RIPOR2: variants seen among roughly 807,000 people sequenced by gnomAD.
The protein encoded by RIPOR2 is RHO family interacting cell polarization regulator 2.
In RIPOR2, 39 loss-of-function variants were observed where a neutral mutation model predicts 114.5. The ratio of observed to expected loss-of-function variants is 0.34; its 90% confidence interval spans 0.26 to 0.44. The LOEUF (loss-of-function observed/expected upper bound fraction) is 0.44, where lower values mean the gene tolerates loss of function less well. RIPOR2 is among the 20% of genes least tolerant of loss of function. The pLI is 1.00. For synonymous variants in RIPOR2, 445 were observed against 484.4 expected (o/e 0.92, Z 1.07); for missense variants, 1,007 against 1,255.1 (o/e 0.80, Z 2.99).
chr6:24,937,661 C>T (rs1771891801), upstream of RIPOR2, among the ~76,000 whole-genome samples: 1 of 152,182 alleles, frequency 6.6e-6, no homozygotes, highest in African/African-American at 2.4e-5. Context: ...ATAATCACTA[C>T]ATTTCTCAAC....
At chr6:24,991,090 C>A (rs1266326760) in intron 1 of RIPOR2, among the ~76,000 whole-genome samples, 1 of 152,134 alleles carries the variant, frequency 6.6e-6, no homozygotes, top group Non-Finnish European at 1.5e-5. Context: ...GCATACATGG[C>A]CCTGTTCCTG....
At chr6:25,027,347 G>C (rs186259511) in intron 1 of RIPOR2, among the ~76,000 whole-genome samples, 145 of 152,256 alleles carry the variant, frequency 9.5e-4, no homozygotes, top group Admixed American at 2.6e-3. Flanking sequence ...GGGTTCCCAG[G>C]GGGAGGCGCT....
chr6:24,998,318 G>A (rs913884317), intron 1 of RIPOR2, among the ~76,000 whole-genome samples: 2 of 152,144 alleles, frequency 1.3e-5, no homozygotes, highest in African/African-American at 4.8e-5. Context: ...TTTTTGAAAA[G>A]TTGTGAATAA....
chr6:24,830,754 T>C, intron 16 of RIPOR2, 84 bp from the exon 17 acceptor site: 9 of 1,394,206 alleles, frequency 6.5e-6, no homozygotes, highest in South Asian at 1.5e-5. Context: ...CTTGCTTTGT[T>C]ACCCAGGCTG....
intron 1 of RIPOR2, among the ~76,000 whole-genome samples, chr6:24,978,276 C>T (rs9393603): frequency 0.17 from 25,388 of 152,022 alleles, 2,891 homozygotes; most frequent in East Asian, 0.54. Context: ...CCCTTCACTT[C>T]ACTGAGCCTG....
chr6:24,831,026 A>T (rs1473137246), intron 16 of RIPOR2, among the ~76,000 whole-genome samples: 1 of 152,080 alleles, frequency 6.6e-6, no homozygotes. Context: ...ATAACATTTT[A>T]AATGAAGCAG....
chr6:24,858,905 C>T lies in RIPOR2; in HGVS notation c.715+2068G>A, dbSNP rs759350880. Among the ~76,000 whole-genome samples, 24 of 152,232 alleles carry T rather than the reference C, an allele frequency of 1.6e-4. No homozygotes were observed. The South Asian group carries it at 1.9e-3, about 12-fold the overall frequency. On this transcript the variant is annotated intron_variant, in intron 8 of 21. Transcript: ENST00000643898. This position sits in a 1 kb window ranked among gnomAD's most constrained non-coding sequence, Gnocchi z 4.0. ...CAAGCCTGAAGCTCCAGATCTGGTC[C>T]GAGGGTGGTCCCTTTCCTCCCCATC...
chr6:24,839,116 A>C lies in RIPOR2; in HGVS notation c.2014T>G (p.Ser672Ala), dbSNP rs1291926228. 1.3e-6 allele frequency: 2 copies of C among 1,551,594 alleles called. No individual in the cohort carries two copies. Among genetic ancestry groups the C allele is most frequent in the Admixed American group, 3.9e-5 (2 of 51,000 alleles). ...NVGGGADSVFSDTETEKHSYR... is the reference protein window; with the variant it reads ...NVGGGADSVFADTETEKHSYR... ...CTGTGTTTCTCAGTCTCAGTGTCTGAAAATACTGAGTCAGCACCTCCGCCA... is the reference window on the plus strand; with the variant it reads ...CTGTGTTTCTCAGTCTCAGTGTCTGCAAATACTGAGTCAGCACCTCCGCCA... The change falls in exon 14 of 22, where the codon TCA (serine) becomes GCA (alanine). Residue 672 changes from serine (S) to alanine (A), a missense_variant. By Grantham distance (99) the Ser-to-Ala change is moderately conservative (BLOSUM62 1). Coordinates refer to ENST00000643898, the MANE Select transcript of RIPOR2 (RefSeq NM_001286445.3).
chr6:25,039,254 T>TC (rs1275966469), intron 1 of RIPOR2, among the ~76,000 whole-genome samples: 2 of 152,216 alleles, frequency 1.3e-5, no homozygotes, highest in Non-Finnish European at 2.9e-5. Flanking sequence ...TAAGCGTCCT[T>TC]CCCTCGCAGG....
At chr6:24,983,691 A>T (rs1359832781) in intron 1 of RIPOR2, among the ~76,000 whole-genome samples, 1 of 131,340 alleles carries the variant, frequency 7.6e-6, no homozygotes, top group Non-Finnish European at 1.6e-5. Context: ...CGGGAGGCAG[A>T]GGTTGCAGTG....
intron 5 of RIPOR2, among the ~76,000 whole-genome samples, chr6:24,869,946 A>G (rs1764995238): frequency 1.3e-5 from 2 of 152,174 alleles, no homozygotes; most frequent in South Asian, 4.1e-4. Flanking sequence ...TTATTATTAT[A>G]TGCATTTATT....
chr6:24,865,331 C>T lies in RIPOR2; in HGVS notation c.621G>A (p.Glu207=). 2 of 1,612,988 alleles carry T rather than the reference C, an allele frequency of 1.2e-6. No homozygotes were observed. The highest frequency in any genetic ancestry group is 1.7e-6 in the Non-Finnish European group (2 of 1,179,388). ...ASKAARESLT[E]INRSFKEYTE... is the part of the protein sequence containing the mutation. ...TGTACTCCTTGAAGCTCCGATTGAT[C>T]TCTGTCAGACTCTCCCGGGCAGCTT... The change falls in exon 7 of 22, where the codon GAG becomes GAA. Residue 207 remains glutamate, a synonymous_variant. Coordinates refer to ENST00000643898, the MANE Select transcript of RIPOR2 (RefSeq NM_001286445.3).
intron 1 of RIPOR2, among the ~76,000 whole-genome samples, chr6:24,922,858 CAAAAAAAA>C (rs869160864): frequency 2.4e-3 from 187 of 78,656 alleles, no homozygotes; most frequent in East Asian, 6.0e-3. Flanking sequence ...AGGACAGTCT[CAAAAAAAA>C]AAAAAAAAAA....
intron 16 of RIPOR2, 80 bp downstream of exon 16, chr6:24,832,176 C>A: frequency 7.6e-7 from 1 of 1,322,146 alleles, no homozygotes; most frequent in Non-Finnish European, 1.0e-6. Flanking sequence ...TCCAACAAAG[C>A]AATGAACATG....
intron 1 of RIPOR2, among the ~76,000 whole-genome samples, chr6:25,031,556 G>GATATAT (rs3056856): frequency 1.1e-3 from 157 of 143,050 alleles, no homozygotes; most frequent in African/African-American, 3.5e-3. Context: ...AAGATTGACT[G>GATATAT]ATATATATAT....
At chr6:24,848,262 G>C in intron 11 of RIPOR2, 108 bp from the exon 12 acceptor site, 1 of 1,156,184 alleles carries the variant, frequency 8.6e-7, no homozygotes, top group South Asian at 1.6e-5. Flanking sequence ...CTCAACCAGA[G>C]GTTCAGAACT....
intron 1 of RIPOR2, among the ~76,000 whole-genome samples, chr6:24,918,511 T>A (rs1208482105): frequency 6.6e-6 from 1 of 152,212 alleles, no homozygotes; most frequent in Non-Finnish European, 1.5e-5. Context: ...CTTCCCAAAG[T>A]TTAGTTCCTC....
intron 1 of RIPOR2, among the ~76,000 whole-genome samples, chr6:24,903,970 A>G (rs952997680): frequency 2.0e-5 from 3 of 152,124 alleles, no homozygotes; most frequent in Non-Finnish European, 2.9e-5. Context: ...CATCGTCCCA[A>G]CCCCTTCTTG....
intron 18 of RIPOR2, among the ~76,000 whole-genome samples, chr6:24,826,506 T>G (rs1423662117): frequency 2.0e-5 from 3 of 151,732 alleles, no homozygotes; most frequent in Non-Finnish European, 4.4e-5. Context: ...TTTTTTTTTT[T>G]GCTTAATTTC....
Sources: allele counts gnomAD v4.1 joint callset (sites outside exome capture counted in the v4.1 genomes callset), GRCh38; gene constraint gnomAD v4.1.1; non-coding constraint Gnocchi (gnomAD v3.1); transcripts MANE v1.5; gene names NCBI Gene and HGNC (gene_info 2026-07-23, HGNC 2026-07-21).